The following ITGA4 variants were observed in gnomAD, a reference collection of about 807,000 sequenced individuals.
ITGA4 encodes integrin alpha-4.
ITGA4 carries 63 observed loss-of-function variants against 133.6 expected under a neutral mutation model. The observed-to-expected ratio is 0.47, with a 90% CI of 0.38 to 0.58. The LOEUF (loss-of-function observed/expected upper bound fraction) is 0.58, where lower values mean the gene tolerates loss of function less well. Ranked by LOEUF, ITGA4 falls within the 20% of genes least tolerant of loss-of-function variation. The pLI, the probability that ITGA4 is intolerant of heterozygous loss-of-function variation, is 0.00. For missense variants in ITGA4, 1,076 were observed against 1,252.7 expected, an observed-to-expected ratio of 0.86 and a Z score of 2.13; for synonymous variants, 483 against 438.0, an observed-to-expected ratio of 1.10 and a Z score of -1.28.
intron 16 of ITGA4, among the ~76,000 whole-genome samples, chr2:181,511,458 A>G (rs974872120): frequency 6.6e-5 from 10 of 152,050 alleles, no homozygotes; most frequent in Non-Finnish European, 1.5e-4. Flanking sequence ...TTTCACTTAG[A>G]AAATTTGGGC....
At chr2:181,501,252 G>A (rs1210853230) in intron 15 of ITGA4, among the ~76,000 whole-genome samples, 10 of 152,150 alleles carry the variant, frequency 6.6e-5, no homozygotes, top group African/African-American at 2.4e-4. Context: ...AGAACAGCTG[G>A]TTCAGGAGAA....
Position 181,537,586 on chromosome 2 carries a change from T to TATATTTGTAACAGAATATA in ITGA4, c.*2060_*2078dup, listed in dbSNP as rs1173774571. The TATATTTGTAACAGAATATA allele has an allele frequency of 2.3e-6, 1 of 429,952 alleles. No individual in the cohort carries two copies. The highest frequency in any genetic ancestry group is 4.6e-6 in the Non-Finnish European group (1 of 217,688). 26.6% of individuals were successfully genotyped at this position (429,952 alleles called of 1,614,324 possible). On this transcript the variant is annotated 3_prime_UTR_variant, in exon 28 of 28. Transcript: ENST00000397033. ...CAAGGCAGACTTATGAAATCTGTAT[T>TATATTTGTAACAGAATATA]ATATTTGTAACAGAATATAGGAAAT...
intron 21 of ITGA4, among the ~76,000 whole-genome samples, chr2:181,526,730 T>C (rs2105768451): frequency 6.8e-6 from 1 of 147,954 alleles, no homozygotes; most frequent in African/African-American, 2.5e-5. Context: ...GAAGGAATGG[T>C]CAGTAGAATG....
At chr2:181,465,313 T>G (rs1470122311) in intron 2 of ITGA4, among the ~76,000 whole-genome samples, 1 of 152,164 alleles carries the variant, frequency 6.6e-6, no homozygotes, top group Non-Finnish European at 1.5e-5. Context: ...ATTCTGATCC[T>G]CTATTGGCCA....
chr2:181,504,173 C>A (rs1038735530), intron 15 of ITGA4, among the ~76,000 whole-genome samples: 2 of 152,052 alleles, frequency 1.3e-5, no homozygotes, highest in African/African-American at 4.8e-5. Flanking sequence ...ACAAAGAATG[C>A]CTGTCCCCAG....
intron 16 of ITGA4, 170 bp downstream of exon 16, chr2:181,509,977 A>C: frequency 1.9e-6 from 1 of 523,778 alleles, no homozygotes; most frequent in African/African-American, 1.9e-5. Flanking sequence ...TCCCTTTAGG[A>C]TATTGAACTG....
chr2:181,501,045 G>A (rs889537408), intron 15 of ITGA4, among the ~76,000 whole-genome samples: 3 of 152,258 alleles, frequency 2.0e-5, no homozygotes, highest in Middle Eastern at 3.4e-3. Flanking sequence ...GAGCAAAGAC[G>A]TGAAGAAAGT....
Position 181,473,052 on chromosome 2 carries a change from T to C in ITGA4, c.320-1908T>C, listed in dbSNP as rs549277304. 2.0e-5 allele frequency among the ~76,000 whole-genome samples: 3 copies of C among 152,318 alleles called. No individual in the cohort carries two copies. The South Asian group carries it at 6.2e-4, about 32-fold the overall frequency. The stretch of plus-strand genomic sequence containing the variant: ...CATTACCAGTTAGTGGGGGTTGCCA[T>C]TTATTCTATGTGTATGCTGTCGAGA... On this transcript the variant is annotated intron_variant, in intron 2 of 27. Coordinates refer to ENST00000397033, the MANE Select transcript of ITGA4 (RefSeq NM_000885.6).
At chr2:181,511,625 C>T (rs918056381) in intron 16 of ITGA4, 74 bp from the exon 17 acceptor site, 6 of 753,158 alleles carry the variant, frequency 8.0e-6, no homozygotes, top group Admixed American at 4.5e-5. Flanking sequence ...TCACAGGTGT[C>T]GTCATCTTTA....
rs1200379079 is a variant in ITGA4, at chr2:181,537,314, T to TGAA, written c.*1788_*1790dup. On this transcript the variant is annotated 3_prime_UTR_variant, in exon 28 of 28. Coordinates refer to ENST00000397033, the MANE Select transcript of ITGA4 (RefSeq NM_000885.6). ...TATATTTCAGGTTATCTGAGCACAGTGAAAGCAGAGTACTATGGTTGTCCA... is the reference window on the plus strand; with the variant it reads ...TATATTTCAGGTTATCTGAGCACAGTGAAGAAAGCAGAGTACTATGGTTGTCCA... The TGAA allele has an allele frequency of 6.6e-6, 3 of 453,568 alleles. No individual in the cohort carries two copies. The highest frequency in any genetic ancestry group is 1.3e-5 in the Non-Finnish European group (3 of 226,412). 28.1% of individuals were successfully genotyped at this position (453,568 alleles called of 1,614,324 possible). A position where few individuals can be genotyped will look rare whatever the true frequency, so the allele number is the denominator to read the frequency against.
At chr2:181,475,830 C>T (rs751304227) in intron 4 of ITGA4, 2 of 1,602,892 alleles carry the variant, frequency 1.2e-6, no homozygotes. Context: ...GTAGCATCAG[C>T]AAGTACAGAG....
chr2:181,463,455 G>A (rs896913258), intron 2 of ITGA4, among the ~76,000 whole-genome samples: 3 of 152,154 alleles, frequency 2.0e-5, no homozygotes, highest in African/African-American at 7.2e-5. Flanking sequence ...CAGATGACAA[G>A]TGTCTGTACA....
intron 4 of ITGA4, among the ~76,000 whole-genome samples, chr2:181,475,494 A>C (rs772169026): frequency 2.0e-5 from 3 of 152,174 alleles, no homozygotes; most frequent in Non-Finnish European, 2.9e-5. Flanking sequence ...AAAATTCTAC[A>C]ATTTGAATAA....
rs1265088472 is a variant in ITGA4, at chr2:181,523,100, G to T, written c.2074-337G>T. Reference sequence around the variant, plus strand: ...AGGGAATATATCAAGATAAATGAAAGCTACAAGTCCAGAATTTTTTTTTTG... The same window carrying T: ...AGGGAATATATCAAGATAAATGAAATCTACAAGTCCAGAATTTTTTTTTTG... On this transcript the variant is annotated intron_variant, in intron 18 of 27. Transcript: ENST00000397033. This position sits in a 1 kb window ranked among gnomAD's most constrained non-coding sequence, Gnocchi z 4.2. Among the ~76,000 whole-genome samples, 3 of 151,876 alleles carry T rather than the reference G, an allele frequency of 2.0e-5. No homozygotes were observed. The highest frequency in any genetic ancestry group is 2.9e-5 in the Non-Finnish European group (2 of 67,970).
intron 2 of ITGA4, among the ~76,000 whole-genome samples, chr2:181,465,502 CTGG>C (rs879758911): frequency 1.3e-5 from 2 of 152,010 alleles, no homozygotes; most frequent in African/African-American, 2.4e-5. Flanking sequence ...GCATATTTCC[CTGG>C]AGTATTTTCT....
rs539507569 is a variant in ITGA4 at position 181,511,679 on chromosome 2, C to A, written c.1846-20C>A. On this transcript the variant is annotated intron_variant, in intron 16 of 27. Coordinates refer to ENST00000397033, the MANE Select transcript of ITGA4 (RefSeq NM_000885.6). ...TTGCTGATTAAATCAAAATAAAAAA[C>A]GTTGTCTTTTTATTTCCAGATAAAC... The A allele has an allele frequency of 2.2e-6, 3 of 1,370,684 alleles. No homozygotes were observed. In the East Asian group the frequency reaches 6.9e-5, roughly 31 times the overall value. The allele number at this position is 1,370,684 out of a possible 1,614,324, so 84.9% of individuals were successfully genotyped here.
chr2:181,478,617 A>T (rs939582705), intron 4 of ITGA4, 140 bp from the exon 5 acceptor site: 1 of 424,162 alleles, frequency 2.4e-6, no homozygotes, highest in African/African-American at 2.1e-5. Flanking sequence ...GGGATTTGTT[A>T]TATCAAGGTT....
At position 181,536,803 on chromosome 2, in the gene ITGA4, C is replaced by T; in HGVS notation, c.*1276C>T. The T allele has an allele frequency of 3.4e-6, 1 of 292,310 alleles. No homozygotes were observed. The highest frequency in any genetic ancestry group is 4.4e-5 in the Admixed American group (1 of 22,472). 18.1% of individuals were successfully genotyped at this position (292,310 alleles called of 1,614,324 possible). On this transcript the variant is annotated 3_prime_UTR_variant, in exon 28 of 28. Transcript: ENST00000397033. ...GTAATATTTATTTTATGCTTATGAT[C>T]TAGATAATTGCAGAATATCATTTTA...
At chr2:181,522,143 G>A (rs1178778019) in intron 17 of ITGA4, 48 bp from the exon 18 acceptor site, 1 of 1,176,884 alleles carries the variant, frequency 8.5e-7, no homozygotes, top group African/African-American at 1.5e-5. Flanking sequence ...AAGAGAGAGG[G>A]ATTTTTATTT....
Sources: gnomAD v4.1 joint callset for allele counts (sites outside exome capture counted in the v4.1 genomes callset) on GRCh38, gnomAD v4.1.1 for gene constraint, Gnocchi (gnomAD v3.1) non-coding constraint, MANE v1.5 for transcripts, NCBI Gene and HGNC (gene_info 2026-07-23, HGNC 2026-07-21) for gene names.